DGKH: variants seen among roughly 807,000 people sequenced by gnomAD.
The protein encoded by DGKH is DAG kinase eta.
DGKH carries 90 observed loss-of-function variants against 159.3 expected under a neutral mutation model. The observed-to-expected ratio is 0.57, with a 90% CI of 0.48 to 0.67. The LOEUF (loss-of-function observed/expected upper bound fraction) is 0.67, where lower values mean the gene tolerates loss of function less well. Among genes scored for constraint, DGKH ranks in the 30% least tolerant of loss-of-function variants. The pLI is 0.00. For synonymous variants in DGKH, 536 were observed against 553.8 expected (o/e 0.97, Z 0.45); for missense variants, 1,181 against 1,506.1 (o/e 0.78, Z 3.57).
intron 29 of DGKH, among the ~76,000 whole-genome samples, chr13:42,226,666 C>A (rs1283164067): frequency 6.6e-6 from 1 of 151,532 alleles, no homozygotes; most frequent in Non-Finnish European, 1.5e-5. Context: ...TCAGCCTGGG[C>A]AACATAGTGA....
intron 14 of DGKH, 128 bp downstream of exon 14, chr13:42,187,276 T>C: frequency 1.3e-6 from 1 of 750,322 alleles, no homozygotes. Context: ...AAAATTACTT[T>C]GGATCAGATC....
chr13:42,249,977 GT>G (rs1555284476), intron 29 of DGKH, among the ~76,000 whole-genome samples: 100 of 141,560 alleles, frequency 7.1e-4, no homozygotes, highest in Middle Eastern at 3.7e-3. Flanking sequence ...TTGTTTTTTT[GT>G]TTTTTTTTTT....
rs578009615 is a variant in DGKH at position 42,066,982 on chromosome 13, CAT to C, written c.192+18018_192+18019del. 4.5e-3 allele frequency among the ~76,000 whole-genome samples: 678 copies of C among 151,992 alleles called. 6 individuals carry two copies. Among genetic ancestry groups the C allele is most frequent in the African/African-American group, 0.014 (575 of 41,428 alleles). On this transcript the variant is annotated intron_variant, in intron 1 of 29. Coordinates refer to ENST00000337343, the MANE Select transcript of DGKH (RefSeq NM_178009.5). ...GTTTTATTAAGAATATAACATATAA[CAT>C]GTGATGTTATATATGTCATATATAT... is the stretch of plus-strand genomic sequence containing the variant.
In DGKH at chr13:42,102,867, A is replaced by C. The variant is rs111783666; in HGVS notation, c.193-24596A>C. Among the ~76,000 whole-genome samples the C allele has an allele frequency of 4.3e-3, 652 of 152,356 alleles. 3 individuals carry two copies. Among genetic ancestry groups the C allele is most frequent in the African/African-American group, 0.015 (622 of 41,584 alleles). On this transcript the variant is annotated intron_variant, in intron 1 of 29. Coordinates refer to ENST00000337343, the MANE Select transcript of DGKH (RefSeq NM_178009.5). Reference sequence around the variant, plus strand: ...CTGAATGACTTTAGATGCCTGGAGAAAGCATGGCTTTTTGCTGCTTGCACT... The same window carrying C: ...CTGAATGACTTTAGATGCCTGGAGACAGCATGGCTTTTTGCTGCTTGCACT...
chr13:42,142,637 T>C (rs575288542), intron 3 of DGKH, among the ~76,000 whole-genome samples: 24 of 152,196 alleles, frequency 1.6e-4, no homozygotes, highest in Non-Finnish European at 3.2e-4. Context: ...GATTCCTAGG[T>C]ATTTTATTCT....
intron 3 of DGKH, among the ~76,000 whole-genome samples, chr13:42,150,683 T>C (rs955744474): frequency 1.3e-4 from 20 of 152,186 alleles, no homozygotes; most frequent in African/African-American, 4.8e-4. Flanking sequence ...ATTATTGAAA[T>C]TACGAATATA....
intron 24 of DGKH, among the ~76,000 whole-genome samples, chr13:42,211,018 A>G (rs191552344): frequency 4.3e-4 from 66 of 152,310 alleles, no homozygotes; most frequent in African/African-American, 1.5e-3. Flanking sequence ...CTAAACATTC[A>G]TCCTGTTCCA....
chr13:42,125,202 C>G lies in DGKH; in HGVS notation c.193-2261C>G, dbSNP rs900597638. Among the ~76,000 whole-genome samples the G allele has an allele frequency of 3.9e-5, 6 of 152,332 alleles. No homozygotes were observed. In the East Asian group the frequency reaches 1.2e-3, roughly 29 times the overall value. On this transcript the variant is annotated intron_variant, in intron 1 of 29. Coordinates refer to ENST00000337343, the MANE Select transcript of DGKH (RefSeq NM_178009.5). ...TCTCCTATAACCTCCTCTCTTGATA[C>G]AGTCCTACTCCAGCTGTTATTTGTC...
intron 3 of DGKH, among the ~76,000 whole-genome samples, chr13:42,140,185 G>A (rs534316586): frequency 6.6e-6 from 1 of 152,148 alleles, no homozygotes; most frequent in South Asian, 2.1e-4. Flanking sequence ...GATTTCCTAG[G>A]TGGCCTTTAG....
intron 7 of DGKH, among the ~76,000 whole-genome samples, chr13:42,163,732 G>C (rs1956248147): frequency 6.6e-6 from 1 of 151,510 alleles, no homozygotes; most frequent in Non-Finnish European, 1.5e-5. Context: ...TTGTAAATTT[G>C]TTTGAGTTCA....
chr13:42,181,646 C>A, intron 13 of DGKH: 1 of 319,096 alleles, frequency 3.1e-6, no homozygotes, highest in Non-Finnish European at 6.9e-6. Flanking sequence ...GCCTTGTGAG[C>A]CCAGCATTAC....
chr13:42,142,694 G>C (rs1025683820), intron 3 of DGKH, among the ~76,000 whole-genome samples: 1 of 151,030 alleles, frequency 6.6e-6, no homozygotes, highest in African/African-American at 2.4e-5. Context: ...TTGGCTCTCT[G>C]TTTGTCTGTT....
Position 42,242,666 on chromosome 13 carries a change from T to C in DGKH, c.*13478T>C, listed in dbSNP as rs1193674767. 4 of 152,252 alleles carry C rather than the reference T, an allele frequency of 2.6e-5. No homozygotes were observed. The highest frequency in any genetic ancestry group is 4.8e-5 in the African/African-American group (2 of 41,464). 9.4% of individuals were successfully genotyped at this position (152,252 alleles called of 1,614,324 possible). On this transcript the variant is annotated 3_prime_UTR_variant, in exon 30 of 30. Transcript: ENST00000337343. ...CTTGTACAGATAATTTTGGTGGCTT[T>C]GTTAATGTAGCTAGTAATTTTTATG...
chr13:42,175,013 A>C (rs1264698859), intron 12 of DGKH, among the ~76,000 whole-genome samples: 1 of 152,202 alleles, frequency 6.6e-6, no homozygotes, highest in African/African-American at 2.4e-5. Context: ...TTAAACCTCA[A>C]AGCGGTGTAG....
At chr13:42,132,749 A>C (rs1156675021) in intron 3 of DGKH, among the ~76,000 whole-genome samples, 1 of 152,116 alleles carries the variant, frequency 6.6e-6, no homozygotes, top group Non-Finnish European at 1.5e-5. Flanking sequence ...AAATACAAAA[A>C]TTAGCTGGGT....
At chr13:42,142,033 A>G (rs1325932893) in intron 3 of DGKH, among the ~76,000 whole-genome samples, 1 of 151,346 alleles carries the variant, frequency 6.6e-6, no homozygotes, top group African/African-American at 2.4e-5. Context: ...TTTTAGGTCT[A>G]ACATTTAAGT....
intron 7 of DGKH, among the ~76,000 whole-genome samples, chr13:42,162,308 C>T (rs534363970): frequency 2.0e-5 from 3 of 151,120 alleles, no homozygotes; most frequent in Non-Finnish European, 2.9e-5. Flanking sequence ...GTCAGGAGTT[C>T]GAGACCAGCT....
intron 1 of DGKH, among the ~76,000 whole-genome samples, chr13:42,114,363 A>G (rs567899918): frequency 6.6e-6 from 1 of 152,308 alleles, no homozygotes; most frequent in South Asian, 2.1e-4. Context: ...TTCCCCCAAA[A>G]GCCATCTCAG....
At chr13:42,252,118 G>C (rs1249739034) in intron 29 of DGKH, among the ~76,000 whole-genome samples, 1 of 150,782 alleles carries the variant, frequency 6.6e-6, no homozygotes, top group Non-Finnish European at 1.5e-5. Context: ...TAAAATGAAA[G>C]AGCTTTTCCT....
Sources: gnomAD v4.1 joint callset for allele counts (sites outside exome capture counted in the v4.1 genomes callset) on GRCh38, gnomAD v4.1.1 for gene constraint, MANE v1.5 for transcripts, NCBI Gene and HGNC (gene_info 2026-07-23, HGNC 2026-07-21) for gene names.